Variants in FMO1 observed in about 807,000 individuals in gnomAD.
FMO1 encodes flavin containing dimethylaniline monoxygenase 1.
In FMO1, 36 loss-of-function variants were observed where a neutral mutation model predicts 45.4. The ratio of observed to expected loss-of-function variants is 0.79; its 90% CI spans 0.61 to 1.05. The LOEUF (loss-of-function observed/expected upper bound fraction) is 1.05, where lower values mean the gene tolerates loss of function less well. Among genes scored for constraint, FMO1 ranks in the 50% least tolerant of loss-of-function variants. The probability of loss-of-function intolerance (pLI) is 0.00; values close to 1 mark genes in which losing one functional copy is unlikely to be tolerated. For synonymous variants in FMO1, 228 were observed against 227.2 expected (o/e 1.00, Z -0.03); for missense variants, 615 against 640.3 (o/e 0.96, Z 0.43).
chr1:171,264,287 A>G (rs988159164), intron 2 of FMO1, among the ~76,000 whole-genome samples: 1 of 151,050 alleles, frequency 6.6e-6, no homozygotes, highest in Non-Finnish European at 1.5e-5. Context: ...TAAATATGCC[A>G]TTACAAAATG....
chr1:171,284,174 CAA>C (rs200976510), intron 8 of FMO1, among the ~76,000 whole-genome samples: 11 of 114,334 alleles, frequency 9.6e-5, no homozygotes, highest in African/African-American at 3.7e-4. Flanking sequence ...GGTTCTGTGG[CAA>C]AAAAAAAAAA....
chr1:171,266,319 G>C (rs1009340217), intron 2 of FMO1, among the ~76,000 whole-genome samples: 1 of 152,130 alleles, frequency 6.6e-6, no homozygotes, highest in East Asian at 1.9e-4. Context: ...CTTGATTTCT[G>C]TATTTATCCT....
At chr1:171,250,242 T>C (rs1333538288) in intron 1 of FMO1, among the ~76,000 whole-genome samples, 1 of 152,212 alleles carries the variant, frequency 6.6e-6, no homozygotes, top group African/African-American at 2.4e-5. Flanking sequence ...AACCCTTCAT[T>C]TCTATTCTAC....
chr1:171,254,298 C>A (rs1418394653), intron 1 of FMO1, among the ~76,000 whole-genome samples: 1 of 152,098 alleles, frequency 6.6e-6, no homozygotes, highest in African/African-American at 2.4e-5. Context: ...ACCATGTTGG[C>A]CAGCTGGTTT....
rs185574024 is a variant in FMO1 at position 171,266,932 on chromosome 1, G to A, written c.133-611G>A. 3.1e-3 allele frequency among the ~76,000 whole-genome samples: 476 copies of A among 152,310 alleles called. 2 individuals are homozygous for A. Among genetic ancestry groups the A allele is most frequent in the African/African-American group, 0.011 (452 of 41,570 alleles). ...AGTTATTTGAGTAAAAACTGAGGGT[G>A]GGAAATTTGTTAGTGCTTTGCCACA... On this transcript the variant is annotated intron_variant, in intron 2 of 8. Coordinates refer to ENST00000617670, the MANE Select transcript of FMO1 (RefSeq NM_001282693.2).
At chr1:171,263,326 T>C (rs1361412980) in intron 2 of FMO1, among the ~76,000 whole-genome samples, 1 of 152,208 alleles carries the variant, frequency 6.6e-6, no homozygotes, top group Non-Finnish European at 1.5e-5. Context: ...CATATAGATA[T>C]GGAAACTGAG....
chr1:171,277,071 A>G (rs1661141589), intron 4 of FMO1, among the ~76,000 whole-genome samples: 1 of 152,160 alleles, frequency 6.6e-6, no homozygotes, highest in Admixed American at 6.5e-5. Context: ...AACCCATCTT[A>G]TCTACCACTG....
intron 1 of FMO1, among the ~76,000 whole-genome samples, chr1:171,251,052 T>C (rs1214256260): frequency 6.6e-6 from 1 of 152,174 alleles, no homozygotes; most frequent in Non-Finnish European, 1.5e-5. Context: ...TTAAACAAAT[T>C]AAAGTAGTAA....
At chr1:171,265,602 CA>C (rs1420169260) in intron 2 of FMO1, among the ~76,000 whole-genome samples, 1 of 152,086 alleles carries the variant, frequency 6.6e-6, no homozygotes, top group Non-Finnish European at 1.5e-5. Flanking sequence ...GGTACATAGG[CA>C]ATTGACACAG....
At chr1:171,271,503 T>G in intron 3 of FMO1, 1 of 914,748 alleles carries the variant, frequency 1.1e-6, no homozygotes, top group Non-Finnish European at 1.8e-6. Context: ...TGGGTGCTGC[T>G]TCTTATGCTC....
At chr1:171,258,871 G>A (rs1447172932) in intron 2 of FMO1, among the ~76,000 whole-genome samples, 1 of 152,186 alleles carries the variant, frequency 6.6e-6, no homozygotes, top group Non-Finnish European at 1.5e-5. Flanking sequence ...CGAGGAAAGG[G>A]GACTATAAAG....
chr1:171,254,779 T>G (rs1218154131), intron 1 of FMO1, among the ~76,000 whole-genome samples: 3 of 152,196 alleles, frequency 2.0e-5, no homozygotes, highest in Non-Finnish European at 4.4e-5. Context: ...CTGAAGTCTA[T>G]TCATCCTTCA....
chr1:171,263,655 C>T (rs1660476747), intron 2 of FMO1, among the ~76,000 whole-genome samples: 1 of 152,172 alleles, frequency 6.6e-6, no homozygotes, highest in South Asian at 2.1e-4. Context: ...TCTACTCACT[C>T]ATTTTTCTCT....
chr1:171,270,681 G>A, intron 3 of FMO1: 2 of 1,050,538 alleles, frequency 1.9e-6, no homozygotes, highest in Non-Finnish European at 2.3e-6. Flanking sequence ...TTTGTGCTGT[G>A]CACCAACAAG....
At chr1:171,261,798 T>C (rs1660388347) in intron 2 of FMO1, among the ~76,000 whole-genome samples, 1 of 152,292 alleles carries the variant, frequency 6.6e-6, no homozygotes, top group South Asian at 2.1e-4. Context: ...ATGTCATGAC[T>C]CTGGCCTCTC....
rs1660664145 is a variant in FMO1, at chr1:171,267,480, G to A, written c.133-63G>A. The A allele has an allele frequency of 5.5e-6, 7 of 1,284,332 alleles. No individual in the cohort carries two copies. The Admixed American group carries it at 9.4e-5, about 17-fold the overall frequency. The allele number at this position is 1,284,332 out of a possible 1,614,324, so 79.6% of individuals were successfully genotyped here. A position where few individuals can be genotyped will look rare whatever the true frequency, so the allele number is the denominator to read the frequency against. ...ATACTGTGTGCATCTGGACCGGTGAGTTCTTCCCAGGCTTATTTATGAGCA... is the reference window on the plus strand; with the variant it reads ...ATACTGTGTGCATCTGGACCGGTGAATTCTTCCCAGGCTTATTTATGAGCA... On this transcript the variant is annotated intron_variant, in intron 2 of 8. Coordinates refer to ENST00000617670, the MANE Select transcript of FMO1 (RefSeq NM_001282693.2).
At chr1:171,275,531 C>CT (rs774371066) in intron 4 of FMO1, 23 bp downstream of exon 4, 2 of 1,582,012 alleles carry the variant, frequency 1.3e-6, no homozygotes, top group South Asian at 2.3e-5. Context: ...CTGTAACTAA[C>CT]TTTAAGTTTT....
chr1:171,268,524 T>C (rs1438424870), intron 3 of FMO1, among the ~76,000 whole-genome samples: 1 of 152,214 alleles, frequency 6.6e-6, no homozygotes, highest in African/African-American at 2.4e-5. Context: ...TATTCTACAA[T>C]GCCCCCTTCC....
At position 171,275,002 on chromosome 1, in the gene FMO1, G is replaced by A. The variant is rs1661046471; in HGVS notation, c.322-344G>A. Among the ~76,000 whole-genome samples, 3 of 152,316 alleles carry A rather than the reference G, an allele frequency of 2.0e-5. No homozygotes were observed. In the South Asian group the frequency reaches 6.2e-4, roughly 32 times the overall value. On this transcript the variant is annotated intron_variant, in intron 3 of 8. Coordinates refer to ENST00000617670, the MANE Select transcript of FMO1 (RefSeq NM_001282693.2). The stretch of plus-strand genomic sequence containing the variant: ...ATCTGTCAAAGAAATTTTTGTTAAA[G>A]AGACAGCCCTGTGAGAAATGAGGTT...
Sources: allele counts gnomAD v4.1 joint callset (sites outside exome capture counted in the v4.1 genomes callset), GRCh38; gene constraint gnomAD v4.1.1; transcripts MANE v1.5; gene names NCBI Gene and HGNC (gene_info 2026-07-23, HGNC 2026-07-21).